Variants in DZIP3 observed in about 807,000 individuals in gnomAD.
DZIP3 encodes the protein E3 ubiquitin-protein ligase DZIP3.
Under a neutral mutation model 162.0 loss-of-function variants are expected in DZIP3, and 118 were observed. That is an observed-to-expected ratio of 0.73 (90% CI 0.63 to 0.85). The LOEUF (loss-of-function observed/expected upper bound fraction) is 0.85, where lower values mean the gene tolerates loss of function less well. Ranked by LOEUF, DZIP3 falls within the 40% of genes least tolerant of loss-of-function variation. The pLI, the probability that DZIP3 is intolerant of heterozygous loss-of-function variation, is 0.00. For missense variants in DZIP3, 1,331 were observed against 1,407.0 expected (o/e 0.95, Z 0.86); for synonymous variants, 438 against 458.6 (o/e 0.96, Z 0.57).
At position 108,644,267 on chromosome 3, in the gene DZIP3, T is replaced by A. The variant is rs915607314; in HGVS notation, c.1245T>A (p.Ala415=). 1.9e-6 allele frequency: 3 copies of A among 1,614,004 alleles called. No individual in the cohort carries two copies. The highest frequency in any genetic ancestry group is 1.3e-5 in the African/African-American group (1 of 75,038). The change falls in exon 14 of 33, where the codon GCT becomes GCA. Residue 415 remains alanine (A), a synonymous_variant. Transcript: ENST00000361582. ...TTGTTCGACAAATATTTGATGAGGC[T>A]ATGCCACCTCCTCTTTTGAAAAAAG... The part of the protein sequence containing the change: ...TDIVRQIFDE[A]MPPPLLKKEL...
rs1276501567 is a variant in DZIP3, at chr3:108,688,744, T to C, written c.3414+8T>C. 5.6e-6 allele frequency: 9 copies of C among 1,613,736 alleles called. No homozygotes were observed. In the African/African-American group the frequency reaches 1.1e-4, roughly 19 times the overall value. On this transcript the variant is annotated splice_region_variant and intron_variant, in intron 30 of 32. Coordinates refer to ENST00000361582, the MANE Select transcript of DZIP3 (RefSeq NM_014648.4). Reference sequence around the variant, plus strand: ...GAAGGAGCCAGTAATCCAGTGAGACTGAAATTTTTGATTCTGAACACATTT... The same window carrying C: ...GAAGGAGCCAGTAATCCAGTGAGACCGAAATTTTTGATTCTGAACACATTT...
At chr3:108,604,862 C>T (rs1940243952) in intron 1 of DZIP3, among the ~76,000 whole-genome samples, 1 of 152,060 alleles carries the variant, frequency 6.6e-6, no homozygotes, top group South Asian at 2.1e-4. Flanking sequence ...ATTAATTTTA[C>T]TTTTGAGAAT....
intron 12 of DZIP3, among the ~76,000 whole-genome samples, chr3:108,638,072 G>GT: frequency 6.6e-6 from 1 of 152,202 alleles, no homozygotes; most frequent in East Asian, 1.9e-4. Flanking sequence ...TTTCAATCTA[G>GT]TAGGGACATT....
At chr3:108,678,770 G>A (rs920211844) in intron 26 of DZIP3, among the ~76,000 whole-genome samples, 11 of 151,936 alleles carry the variant, frequency 7.2e-5, no homozygotes, top group Admixed American at 7.2e-4. Flanking sequence ...GTTATGTGGG[G>A]ACAGATGACT....
intron 9 of DZIP3, among the ~76,000 whole-genome samples, chr3:108,633,351 C>A (rs565274038): frequency 6.6e-6 from 1 of 151,866 alleles, no homozygotes; most frequent in South Asian, 2.1e-4. Flanking sequence ...ATTATTCCTG[C>A]AGTCAGTCAT....
intron 22 of DZIP3, among the ~76,000 whole-genome samples, chr3:108,671,592 A>AT (rs1943928816): frequency 6.6e-6 from 1 of 151,930 alleles, no homozygotes; most frequent in South Asian, 2.1e-4. Flanking sequence ...AAAATGTTGA[A>AT]TGTAAGCACT....
At position 108,644,144 on chromosome 3, in the gene DZIP3, T is replaced by A. The variant is rs1265909342; in HGVS notation, c.1142-20T>A. ...GAGCATTAATGTGGAATGTCTTGACTTCTCAAAATTTATTTTCAGATGAAA... is the reference window on the plus strand; with the variant it reads ...GAGCATTAATGTGGAATGTCTTGACATCTCAAAATTTATTTTCAGATGAAA... On this transcript the variant is annotated intron_variant, in intron 13 of 32. Transcript: ENST00000361582. The A allele has an allele frequency of 1.3e-6, 2 of 1,569,546 alleles. No individual in the cohort carries two copies. The highest frequency in any genetic ancestry group is 2.2e-4 in the Middle Eastern group (1 of 4,502).
intron 19 of DZIP3, among the ~76,000 whole-genome samples, chr3:108,654,900 A>T (rs944887920): frequency 1.1e-4 from 16 of 152,222 alleles, no homozygotes; most frequent in African/African-American, 3.6e-4. Flanking sequence ...TTCAGTGATA[A>T]CCTGCTCTGC....
chr3:108,688,167 A>G, intron 29 of DZIP3, 71 bp downstream of exon 29: 1 of 1,563,366 alleles, frequency 6.4e-7, no homozygotes, highest in Admixed American at 1.8e-5. Context: ...TGTTTTAAAT[A>G]TCTCCATAAC....
intron 15 of DZIP3, among the ~76,000 whole-genome samples, chr3:108,647,232 G>A (rs72945605): frequency 0.037 from 5,591 of 152,184 alleles, 343 homozygotes; most frequent in African/African-American, 0.13. Context: ...GGTGTTTAGC[G>A]TGTATAACTT....
intron 23 of DZIP3, among the ~76,000 whole-genome samples, chr3:108,673,399 G>A (rs958215219): frequency 1.4e-4 from 22 of 151,868 alleles, no homozygotes; most frequent in African/African-American, 4.6e-4. Context: ...TTAAAAGCTC[G>A]TTTGTATAGA....
At chr3:108,663,373 A>G (rs1943529451) in intron 21 of DZIP3, among the ~76,000 whole-genome samples, 2 of 152,164 alleles carry the variant, frequency 1.3e-5, no homozygotes, top group South Asian at 4.1e-4. Flanking sequence ...CCTGACCAAC[A>G]TGGAAAAACC....
intron 29 of DZIP3, among the ~76,000 whole-genome samples, 160 bp from the exon 30 acceptor site, chr3:108,688,433 T>G (rs2107435954): frequency 6.6e-6 from 1 of 152,320 alleles, no homozygotes; most frequent in Admixed American, 6.5e-5. Flanking sequence ...TACCTAGCTC[T>G]GAGTATATAA....
At chr3:108,655,924 C>G (rs1294293024) in intron 19 of DZIP3, among the ~76,000 whole-genome samples, 1 of 152,216 alleles carries the variant, frequency 6.6e-6, no homozygotes, top group Non-Finnish European at 1.5e-5. Context: ...GAGCAAACTG[C>G]ATGGTGGCAG....
At chr3:108,592,107 G>A (rs1449451840) in intron 1 of DZIP3, among the ~76,000 whole-genome samples, 1 of 152,132 alleles carries the variant, frequency 6.6e-6, no homozygotes, top group African/African-American at 2.4e-5. Flanking sequence ...GTCTAGTCAG[G>A]TTTGTTTTTA....
intron 5 of DZIP3, among the ~76,000 whole-genome samples, chr3:108,617,888 T>A (rs1246427516): frequency 6.6e-6 from 1 of 152,216 alleles, no homozygotes; most frequent in Non-Finnish European, 1.5e-5. Flanking sequence ...CTTCTTTACT[T>A]AGACATTACT....
intron 7 of DZIP3, among the ~76,000 whole-genome samples, chr3:108,627,673 C>T (rs1559738451): frequency 6.6e-6 from 1 of 152,154 alleles, no homozygotes; most frequent in Non-Finnish European, 1.5e-5. Flanking sequence ...TTTTCCATAT[C>T]AGTGTACACT....
At chr3:108,671,812 G>A (rs1485583478) in intron 22 of DZIP3, among the ~76,000 whole-genome samples, 2 of 151,914 alleles carry the variant, frequency 1.3e-5, no homozygotes, top group East Asian at 1.9e-4. Context: ...AATTTTCACA[G>A]CAGCTCTTTG....
chr3:108,690,900 C>G lies in DZIP3; in HGVS notation c.*3C>G. ...GCCGGCAGTTGCCCAAGATCTGATA[C>G]AAGGTCGGGGTGTCTATGCAAAGGA... On this transcript the variant is annotated 3_prime_UTR_variant, in exon 32 of 33. Transcript: ENST00000361582. The G allele has an allele frequency of 1.9e-6, 3 of 1,613,818 alleles. No homozygotes were observed. The highest frequency in any genetic ancestry group is 1.1e-5 in the South Asian group (1 of 91,070).
Sources: gnomAD v4.1 joint callset for allele counts (sites outside exome capture counted in the v4.1 genomes callset) on GRCh38, gnomAD v4.1.1 for gene constraint, MANE v1.5 for transcripts, NCBI Gene and HGNC (gene_info 2026-07-23, HGNC 2026-07-21) for gene names.